The following SPTLC3 variants were observed in gnomAD, a reference collection of about 807,000 sequenced individuals.
SPTLC3 encodes the protein serine palmitoyltransferase long chain base subunit 3.
A neutral mutation model predicts 59.3 loss-of-function variants in SPTLC3; 36 were observed. The ratio of observed to expected loss-of-function variants is 0.61; its 90% CI spans 0.47 to 0.80. The LOEUF is 0.80. Among genes scored for constraint, SPTLC3 ranks in the 30% least tolerant of loss-of-function variants. The probability of loss-of-function intolerance (pLI) is 0.00; values close to 1 mark genes in which losing one functional copy is unlikely to be tolerated. For synonymous variants in SPTLC3, 257 were observed against 240.8 expected, an observed-to-expected ratio of 1.07 and a Z score of -0.62; for missense variants, 625 against 685.1, an observed-to-expected ratio of 0.91 and a Z score of 0.98.
At chr20:13,083,966 G>A (rs3848774) in intron 4 of SPTLC3, among the ~76,000 whole-genome samples, 41,819 of 151,936 alleles carry the variant, frequency 0.28, 5,924 homozygotes, top group Middle Eastern at 0.36. Flanking sequence ...AGTATCTAGC[G>A]TTCAAGCCAT....
At chr20:13,073,877 T>C (rs1600253253) in intron 3 of SPTLC3, 2 of 543,416 alleles carry the variant, frequency 3.7e-6, no homozygotes, top group East Asian at 9.3e-5. Context: ...ATAAATTCTT[T>C]ATAGGACGGT....
chr20:13,110,877 A>G (rs1212485077), intron 7 of SPTLC3, among the ~76,000 whole-genome samples: 5 of 152,130 alleles, frequency 3.3e-5, no homozygotes, highest in African/African-American at 9.7e-5. Flanking sequence ...TAGAAAAGTG[A>G]AAAATATTAA....
At chr20:13,057,628 T>C (rs1328081230) in intron 2 of SPTLC3, among the ~76,000 whole-genome samples, 2 of 152,120 alleles carry the variant, frequency 1.3e-5, no homozygotes. Context: ...AATAGAAAAA[T>C]CAAAACCTCC....
At chr20:13,154,548 G>A (rs532540727) in intron 10 of SPTLC3, among the ~76,000 whole-genome samples, 9 of 152,216 alleles carry the variant, frequency 5.9e-5, no homozygotes, top group South Asian at 2.1e-4. Context: ...CTCTGCAGCC[G>A]TCCTCAGAAG....
intron 1 of SPTLC3, among the ~76,000 whole-genome samples, chr20:13,022,607 A>G (rs6078890): frequency 0.2 from 31,092 of 152,094 alleles, 3,642 homozygotes; most frequent in South Asian, 0.37. Context: ...TGGGAAGGCC[A>G]AAGGGTGAGA....
chr20:13,040,315 T>C (rs1338606311), intron 1 of SPTLC3, among the ~76,000 whole-genome samples: 1 of 152,218 alleles, frequency 6.6e-6, no homozygotes, highest in African/African-American at 2.4e-5. Context: ...ATACAATTTC[T>C]TTTAAAATTA....
At chr20:13,097,343 C>T (rs1218238843) in intron 6 of SPTLC3, among the ~76,000 whole-genome samples, 1 of 152,088 alleles carries the variant, frequency 6.6e-6, no homozygotes, top group East Asian at 1.9e-4. Context: ...CAACAAAAGG[C>T]ACCTGGGAGT....
At chr20:13,144,469 C>T (rs2038458863) in intron 9 of SPTLC3, among the ~76,000 whole-genome samples, 1 of 152,140 alleles carries the variant, frequency 6.6e-6, no homozygotes, top group African/African-American at 2.4e-5. Flanking sequence ...AATTGAGGCT[C>T]AGAGATGATG....
At chr20:13,148,481 C>T (rs528843930) in intron 9 of SPTLC3, among the ~76,000 whole-genome samples, 25 of 152,216 alleles carry the variant, frequency 1.6e-4, no homozygotes, top group Non-Finnish European at 2.9e-4. Context: ...ATGTAGCTGT[C>T]GGGAGAGCAG....
intron 1 of SPTLC3, among the ~76,000 whole-genome samples, chr20:13,032,313 A>C (rs1306923822): frequency 6.6e-6 from 1 of 152,178 alleles, no homozygotes; most frequent in African/African-American, 2.4e-5. Context: ...CCTTCACCCT[A>C]GCTGTCATTC....
At chr20:13,160,268 C>G in intron 11 of SPTLC3, 136 bp downstream of exon 11, 1 of 1,079,098 alleles carries the variant, frequency 9.3e-7, no homozygotes. Flanking sequence ...AAAGTCACTG[C>G]CAAAAAACAA....
chr20:13,152,523 T>C (rs1257371316), intron 9 of SPTLC3, among the ~76,000 whole-genome samples: 3 of 152,204 alleles, frequency 2.0e-5, no homozygotes, highest in Non-Finnish European at 4.4e-5. Context: ...CAGTGGCTTC[T>C]ATGTGAGTCA....
chr20:13,052,534 G>C (rs1328816874), intron 2 of SPTLC3, among the ~76,000 whole-genome samples: 1 of 152,070 alleles, frequency 6.6e-6, no homozygotes. Flanking sequence ...GAACACCAGT[G>C]AGACAGAACC....
intron 1 of SPTLC3, among the ~76,000 whole-genome samples, chr20:13,042,042 GC>G (rs1600225333): frequency 6.6e-6 from 1 of 152,152 alleles, no homozygotes; most frequent in East Asian, 1.9e-4. Flanking sequence ...GGCATAAATT[GC>G]TTCACAATCT....
intron 2 of SPTLC3, among the ~76,000 whole-genome samples, chr20:13,064,313 G>GTT (rs1988106555): frequency 9.1e-6 from 1 of 109,316 alleles, no homozygotes; most frequent in Admixed American, 9.2e-5. Context: ...TTTTGTTTTT[G>GTT]TTTTTGTTTT....
chr20:13,053,095 C>T (rs1337515734), intron 2 of SPTLC3, among the ~76,000 whole-genome samples: 1 of 152,210 alleles, frequency 6.6e-6, no homozygotes, highest in Non-Finnish European at 1.5e-5. Flanking sequence ...GGCCTCCTGA[C>T]TGGGAGACAC....
chr20:13,128,138 T>C (rs750344058), intron 9 of SPTLC3, among the ~76,000 whole-genome samples: 9 of 152,256 alleles, frequency 5.9e-5, no homozygotes, highest in African/African-American at 9.6e-5. Context: ...TTTAACATTG[T>C]GTCTGGAGAC....
intron 2 of SPTLC3, among the ~76,000 whole-genome samples, chr20:13,069,506 C>A (rs1988359340): frequency 6.6e-6 from 1 of 152,142 alleles, no homozygotes; most frequent in Admixed American, 6.5e-5. Context: ...AAAACCTAGA[C>A]CCCTCGCATG....
At chr20:13,066,974 A>C (rs1234310530) in intron 2 of SPTLC3, among the ~76,000 whole-genome samples, 10 of 145,784 alleles carry the variant, frequency 6.9e-5, no homozygotes, top group African/African-American at 2.3e-4. Context: ...CATGGTCATT[A>C]TTTTTTGAAC....
Sources: gnomAD v4.1 joint callset for allele counts (sites outside exome capture counted in the v4.1 genomes callset) on GRCh38, gnomAD v4.1.1 for gene constraint, MANE v1.5 for transcripts, NCBI Gene and HGNC (gene_info 2026-07-23, HGNC 2026-07-21) for gene names.